HTR1F: variants seen among roughly 807,000 people sequenced by gnomAD.
HTR1F encodes the protein 5-hydroxytryptamine receptor 1F.
HTR1F carries 17 observed loss-of-function variants against 24.0 expected under a neutral mutation model. The observed-to-expected ratio is 0.71, with a 90% CI of 0.48 to 1.06. The LOEUF (loss-of-function observed/expected upper bound fraction) is 1.06, where lower values mean the gene tolerates loss of function less well. Ranked by LOEUF, HTR1F falls within the 50% of genes least tolerant of loss-of-function variation. The pLI, the probability that HTR1F is intolerant of heterozygous loss-of-function variation, is 0.00. For missense variants in HTR1F, 391 were observed against 427.8 expected (o/e 0.91, Z 0.76); for synonymous variants, 186 against 156.8 (o/e 1.19, Z -1.39).
At chr3:87,984,054 G>A (rs1705609163) in intron 2 of HTR1F, among the ~76,000 whole-genome samples, 1 of 152,120 alleles carries the variant, frequency 6.6e-6, no homozygotes, top group Non-Finnish European at 1.5e-5. Flanking sequence ...GTCTTCCTCA[G>A]TTAATTTTCA....
intron 2 of HTR1F, among the ~76,000 whole-genome samples, chr3:87,896,590 G>C (rs576627665): frequency 6.6e-6 from 1 of 152,228 alleles, no homozygotes; most frequent in Admixed American, 6.5e-5. Flanking sequence ...AAACTAAAAT[G>C]CTTCTCCACA....
chr3:87,824,874 G>T (rs1366226145), intron 2 of HTR1F, among the ~76,000 whole-genome samples: 1 of 152,002 alleles, frequency 6.6e-6, no homozygotes, highest in Non-Finnish European at 1.5e-5. Flanking sequence ...CCAAAACAAG[G>T]CAAAAGAAAA....
chr3:87,857,117 T>C (rs1020150379), intron 2 of HTR1F, among the ~76,000 whole-genome samples: 2 of 152,014 alleles, frequency 1.3e-5, no homozygotes, highest in African/African-American at 4.8e-5. Context: ...TATTATTTTA[T>C]TTTTCTGCTT....
intron 2 of HTR1F, among the ~76,000 whole-genome samples, chr3:87,844,457 A>G (rs1704889545): frequency 7.6e-6 from 1 of 131,304 alleles, no homozygotes; most frequent in Non-Finnish European, 1.5e-5. Flanking sequence ...GGTTGCGAAA[A>G]TTTTCTCCCA....
intron 2 of HTR1F, among the ~76,000 whole-genome samples, chr3:87,928,836 T>A (rs1318101185): frequency 1.3e-5 from 2 of 152,324 alleles, no homozygotes; most frequent in South Asian, 2.1e-4. Flanking sequence ...AATATACATT[T>A]TGTGTGTAAG....
rs776177421 is a variant in HTR1F, at chr3:87,991,440, T to C, written c.691T>C (p.Leu231=). ...GGAGGAGGTGAATGGCCAAGTCCTT[T>C]TGGAGAGTGGTGAGAAAAGCACTAA... ...AKEEVNGQVL[L]ESGEKSTKSV... is the part of the protein sequence containing the mutation. The change falls in exon 3 of 3, where the codon TTG becomes CTG. Residue 231 remains leucine, a synonymous_variant. Transcript: ENST00000319595. 6.8e-6 allele frequency: 11 copies of C among 1,613,906 alleles called. No homozygotes were observed. The highest frequency in any genetic ancestry group is 2.7e-5 in the African/African-American group (2 of 74,920).
chr3:87,897,482 A>G (rs2107318692), intron 2 of HTR1F, among the ~76,000 whole-genome samples: 1 of 152,244 alleles, frequency 6.6e-6, no homozygotes, highest in South Asian at 2.1e-4. Flanking sequence ...TTTGAAAATA[A>G]AAACCAAAAA....
chr3:87,794,973 T>G (rs1703879040), intron 1 of HTR1F, among the ~76,000 whole-genome samples: 1 of 149,778 alleles, frequency 6.7e-6, no homozygotes, highest in African/African-American at 2.5e-5. Context: ...CTTTCAAAAT[T>G]ATGACTGACT....
chr3:87,871,432 T>C (rs571243174), intron 2 of HTR1F, among the ~76,000 whole-genome samples: 1 of 151,826 alleles, frequency 6.6e-6, no homozygotes, highest in East Asian at 1.9e-4. Context: ...AGTGGGAAAA[T>C]ATATACATTA....
intron 1 of HTR1F, among the ~76,000 whole-genome samples, chr3:87,804,514 G>A (rs1186539270): frequency 1.3e-5 from 2 of 152,092 alleles, no homozygotes; most frequent in Non-Finnish European, 2.9e-5. Flanking sequence ...TGAGTTGATA[G>A]CCAAAATTAT....
chr3:87,944,826 G>A (rs540559323), intron 2 of HTR1F, among the ~76,000 whole-genome samples: 7 of 152,268 alleles, frequency 4.6e-5, no homozygotes, highest in Non-Finnish European at 8.8e-5. Context: ...TGGGCCATCC[G>A]TGGGTTACGG....
intron 2 of HTR1F, among the ~76,000 whole-genome samples, chr3:87,961,346 C>G (rs1289688659): frequency 1.3e-5 from 2 of 152,048 alleles, no homozygotes; most frequent in Admixed American, 6.6e-5. Flanking sequence ...CGAGCCAACT[C>G]TAATCAAAGG....
chr3:87,882,629 C>A (rs1559617618), intron 2 of HTR1F, among the ~76,000 whole-genome samples: 1 of 149,136 alleles, frequency 6.7e-6, no homozygotes, highest in Non-Finnish European at 1.5e-5. Context: ...ACCGCATATT[C>A]TCACTCATAG....
At chr3:87,896,161 C>G (rs552937938) in intron 2 of HTR1F, among the ~76,000 whole-genome samples, 1 of 152,276 alleles carries the variant, frequency 6.6e-6, no homozygotes, top group South Asian at 2.1e-4. Flanking sequence ...TCAACAGGGA[C>G]CCCTCTGACT....
At chr3:87,871,416 C>A (rs1432304265) in intron 2 of HTR1F, among the ~76,000 whole-genome samples, 1 of 151,910 alleles carries the variant, frequency 6.6e-6, no homozygotes, top group African/African-American at 2.4e-5. Flanking sequence ...TTATGGGGTA[C>A]TGTCAAGTGG....
At chr3:87,848,714 T>C (rs1705006764) in intron 2 of HTR1F, among the ~76,000 whole-genome samples, 2 of 151,734 alleles carry the variant, frequency 1.3e-5, no homozygotes, top group South Asian at 4.1e-4. Flanking sequence ...AACCCCATCA[T>C]CTCAGCCCAA....
intron 2 of HTR1F, among the ~76,000 whole-genome samples, chr3:87,824,790 A>C (rs1704429815): frequency 6.6e-6 from 1 of 152,234 alleles, no homozygotes; most frequent in Non-Finnish European, 1.5e-5. Context: ...AAGAGTCAAA[A>C]ATTACCAAAT....
intron 1 of HTR1F, among the ~76,000 whole-genome samples, chr3:87,796,821 C>T (rs1422541373): frequency 6.6e-6 from 1 of 152,106 alleles, no homozygotes; most frequent in East Asian, 1.9e-4. Context: ...AGATTGGTGA[C>T]CTAGTGATTC....
intron 2 of HTR1F, among the ~76,000 whole-genome samples, chr3:87,857,900 A>AATTAT (rs1331954059): frequency 2.0e-5 from 3 of 152,190 alleles, no homozygotes; most frequent in African/African-American, 7.2e-5. Flanking sequence ...TATTCTGCCT[A>AATTAT]CGGCAAGATA....
Sources: allele counts gnomAD v4.1 joint callset (sites outside exome capture counted in the v4.1 genomes callset), GRCh38; gene constraint gnomAD v4.1.1; transcripts MANE v1.5; gene names NCBI Gene and HGNC (gene_info 2026-07-23, HGNC 2026-07-21).